The following PDE10A variants were observed in gnomAD, a reference collection of about 807,000 sequenced individuals.
PDE10A encodes the protein cAMP and cAMP-inhibited cGMP 3',5'-cyclic phosphodiesterase 10A.
In PDE10A, 39 loss-of-function variants were observed where a neutral mutation model predicts 97.7. The ratio of observed to expected loss-of-function variants is 0.40; its 90% CI spans 0.31 to 0.52. The LOEUF is 0.52. Ranked by LOEUF, PDE10A falls within the 20% of genes least tolerant of loss-of-function variation. PDE10A has a pLI of 0.56. For synonymous variants in PDE10A, 371 were observed against 376.8 expected, an observed-to-expected ratio of 0.98 and a Z score of 0.18; for missense variants, 731 against 1,047.8, an observed-to-expected ratio of 0.70 and a Z score of 4.17.
chr6:165,810,942 C>T (rs1779265548), intron 1 of PDE10A, among the ~76,000 whole-genome samples: 1 of 152,074 alleles, frequency 6.6e-6, no homozygotes, highest in African/African-American at 2.4e-5. Context: ...AAAAAGAAAA[C>T]AGGCCGGATG....
At chr6:165,705,195 T>C (rs1227452145) in intron 1 of PDE10A, among the ~76,000 whole-genome samples, 3 of 152,346 alleles carry the variant, frequency 2.0e-5, no homozygotes, top group Admixed American at 1.3e-4. Flanking sequence ...CCAGGTTGTC[T>C]CTACTCCTGA....
In PDE10A at chr6:165,626,196, G is replaced by A. The variant is rs1415301088; in HGVS notation, c.865+35751C>T. ...ATTCTTAGTTCTCTCCCTCGCATAAGAAAGTCTCTTAGATCAGGGAATCAC... is the reference window on the plus strand; with the variant it reads ...ATTCTTAGTTCTCTCCCTCGCATAAAAAAGTCTCTTAGATCAGGGAATCAC... On this transcript the variant is annotated intron_variant, in intron 1 of 21. Coordinates refer to ENST00000539869, the MANE Select transcript of PDE10A (RefSeq NM_001385079.1). Among the ~76,000 whole-genome samples, 2 of 152,188 alleles carry A rather than the reference G, an allele frequency of 1.3e-5. 1 individual carries two copies. Among genetic ancestry groups the A allele is most frequent in the African/African-American group, 4.8e-5 (2 of 41,456 alleles).
chr6:165,790,526 T>C (rs1267047052), intron 1 of PDE10A, among the ~76,000 whole-genome samples: 1 of 152,106 alleles, frequency 6.6e-6, no homozygotes, highest in Non-Finnish European at 1.5e-5. Context: ...AAGCAATAAA[T>C]TCTATGTGCG....
chr6:165,870,236 C>T (rs1316381716), intron 1 of PDE10A, among the ~76,000 whole-genome samples: 1 of 152,064 alleles, frequency 6.6e-6, no homozygotes, highest in Non-Finnish European at 1.5e-5. Context: ...ATGTAAGGAA[C>T]TCAAACAACT....
intron 1 of PDE10A, among the ~76,000 whole-genome samples, chr6:165,856,418 G>C (rs1188772244): frequency 6.6e-6 from 1 of 152,158 alleles, no homozygotes; most frequent in Non-Finnish European, 1.5e-5. Flanking sequence ...CTGGGTCCTG[G>C]TTCTCTTTCC....
intron 1 of PDE10A, among the ~76,000 whole-genome samples, chr6:165,740,542 C>T (rs1417890752): frequency 7.2e-5 from 11 of 152,076 alleles, no homozygotes; most frequent in South Asian, 6.2e-4. Context: ...ACTGTGTTAG[C>T]GAGGATAATC....
At chr6:165,465,647 C>T (rs1008104941) in intron 3 of PDE10A, among the ~76,000 whole-genome samples, 2 of 152,134 alleles carry the variant, frequency 1.3e-5, no homozygotes, top group Non-Finnish European at 2.9e-5. Context: ...TGGAAGGTAC[C>T]ACGTCACAGA....
At chr6:165,663,939 G>T (rs1046768802), upstream of PDE10A, among the ~76,000 whole-genome samples, 1 of 152,226 alleles carries the variant, frequency 6.6e-6, no homozygotes, top group Non-Finnish European at 1.5e-5. Flanking sequence ...GGAGCCGCCA[G>T]AAGTTTGGGG....
chr6:165,329,006 A>G lies in PDE10A; in HGVS notation c.*4019T>C, dbSNP rs1294501732. 6.6e-6 allele frequency: 1 copy of G among 152,266 alleles called. No homozygotes were observed. Among genetic ancestry groups the G allele is most frequent in the Non-Finnish European group, 1.5e-5 (1 of 68,050 alleles). 9.4% of individuals were successfully genotyped at this position (152,266 alleles called of 1,614,324 possible). ...GACATACTTGGCTGATTTACATTTT[A>G]CATAATTTAAAAATCAGATGAATAC... On this transcript the variant is annotated 3_prime_UTR_variant, in exon 22 of 22. Transcript: ENST00000539869.
chr6:165,796,340 C>T (rs1410880315), intron 1 of PDE10A, among the ~76,000 whole-genome samples: 1 of 152,134 alleles, frequency 6.6e-6, no homozygotes, highest in East Asian at 1.9e-4. Flanking sequence ...CCCGCCTCAG[C>T]CTCCTAAAGT....
intron 2 of PDE10A, among the ~76,000 whole-genome samples, chr6:165,491,461 T>A (rs1244619611): frequency 6.6e-6 from 1 of 152,172 alleles, no homozygotes; most frequent in Non-Finnish European, 1.5e-5. Flanking sequence ...CATCAGCACA[T>A]GGAACTGTCT....
At chr6:165,942,199 G>A (rs300111) in intron 1 of PDE10A, among the ~76,000 whole-genome samples, 79,786 of 151,916 alleles carry the variant, frequency 0.53, 22,268 homozygotes, top group African/African-American at 0.72. Context: ...GCCACGCTGA[G>A]CAGCCACGCT....
chr6:165,365,980 C>T (rs752822616), intron 18 of PDE10A, among the ~76,000 whole-genome samples: 4 of 151,906 alleles, frequency 2.6e-5, no homozygotes, highest in Non-Finnish European at 5.9e-5. Flanking sequence ...AGAACTAATT[C>T]CATGGAAAAG....
chr6:165,440,275 T>C (rs1227658032), intron 5 of PDE10A, among the ~76,000 whole-genome samples: 2 of 152,206 alleles, frequency 1.3e-5, no homozygotes, highest in African/African-American at 2.4e-5. Flanking sequence ...AAACAATTAC[T>C]ATAAACTACC....
At chr6:165,556,937 C>T (rs967608762) in intron 1 of PDE10A, among the ~76,000 whole-genome samples, 6 of 151,856 alleles carry the variant, frequency 4.0e-5, no homozygotes, top group Admixed American at 2.6e-4. Context: ...GTCAGGAGTT[C>T]GACACCAGCC....
intron 3 of PDE10A, among the ~76,000 whole-genome samples, chr6:165,467,452 C>CT (rs1363173725): frequency 6.6e-6 from 1 of 152,180 alleles, no homozygotes; most frequent in Non-Finnish European, 1.5e-5. Flanking sequence ...CTGCTGATGA[C>CT]TTTAAGTTGA....
In PDE10A at chr6:165,331,116, G is replaced by A. The variant is rs1033446900; in HGVS notation, c.*1909C>T. The A allele has an allele frequency of 8.6e-5, 13 of 152,022 alleles. No homozygotes were observed. The highest frequency in any genetic ancestry group is 2.6e-4 in the Admixed American group (4 of 15,234). 9.4% of individuals were successfully genotyped at this position (152,022 alleles called of 1,614,324 possible). A position where few individuals can be genotyped will look rare whatever the true frequency, so the allele number is the denominator to read the frequency against. On this transcript the variant is annotated 3_prime_UTR_variant, in exon 22 of 22. Transcript: ENST00000539869. ...CTTTCCTTCTGTCTCTCGTGTGTGT[G>A]TATGTGTATGTATCATATATACACA...
At chr6:165,514,580 G>A (rs1323494126) in intron 2 of PDE10A, among the ~76,000 whole-genome samples, 1 of 152,182 alleles carries the variant, frequency 6.6e-6, no homozygotes, top group Non-Finnish European at 1.5e-5. Flanking sequence ...GCCAGAAACA[G>A]GTTTACCCCA....
At chr6:165,540,778 C>T (rs377238857) in intron 2 of PDE10A, among the ~76,000 whole-genome samples, 5 of 152,220 alleles carry the variant, frequency 3.3e-5, no homozygotes, top group South Asian at 2.1e-4. Context: ...TACAGGCATG[C>T]GCCACTATGC....
Sources: gnomAD v4.1 joint callset for allele counts (sites outside exome capture counted in the v4.1 genomes callset) on GRCh38, gnomAD v4.1.1 for gene constraint, MANE v1.5 for transcripts, NCBI Gene and HGNC (gene_info 2026-07-23, HGNC 2026-07-21) for gene names.